Variants in ARHGEF1 observed in about 807,000 individuals in gnomAD.
ARHGEF1 encodes the protein Rho guanine nucleotide exchange factor 1.
Under a neutral mutation model 119.7 loss-of-function variants are expected in ARHGEF1, and 40 were observed. The ratio of observed to expected loss-of-function variants is 0.33; its 90% confidence interval spans 0.26 to 0.44. The LOEUF is 0.44. Ranked by LOEUF, ARHGEF1 falls within the 20% of genes least tolerant of loss-of-function variation. The pLI, the probability that ARHGEF1 is intolerant of heterozygous loss-of-function variation, is 1.00. For synonymous variants in ARHGEF1, 494 were observed against 521.0 expected (o/e 0.95, Z 0.71); for missense variants, 976 against 1,268.3 (o/e 0.77, Z 3.50).
intron 1 of ARHGEF1, among the ~76,000 whole-genome samples, chr19:41,887,489 C>A (rs1248801884): frequency 2.6e-5 from 4 of 152,022 alleles, no homozygotes; most frequent in Non-Finnish European, 5.9e-5. Flanking sequence ...GACTCCCAGT[C>A]CCTGAGGGAG....
rs542304793 is a variant in ARHGEF1, at chr19:41,884,174, G to T, written c.-20+885G>T. 7.9e-5 allele frequency among the ~76,000 whole-genome samples: 12 copies of T among 152,106 alleles called. 1 individual carries two copies. Among genetic ancestry groups the T allele is most frequent in the African/African-American group, 2.4e-4 (10 of 41,502 alleles). ...GGAGTTGGACCCATCTGCACCTCCG[G>T]GCGCGGGGCGGGGCCCGGGGAGTGA... On this transcript the variant is annotated intron_variant, in intron 1 of 28. Coordinates refer to ENST00000354532, the MANE Select transcript of ARHGEF1 (RefSeq NM_004706.4).
upstream of ARHGEF1, among the ~76,000 whole-genome samples, chr19:41,922,604 G>A (rs746288610): frequency 6.6e-5 from 10 of 152,122 alleles, no homozygotes; most frequent in Non-Finnish European, 1.2e-4. Context: ...GAGAGACTCC[G>A]AGGGACGAGG....
intron 1 of ARHGEF1, among the ~76,000 whole-genome samples, chr19:41,927,228 C>G (rs2074876856): frequency 6.6e-6 from 1 of 151,986 alleles, no homozygotes; most frequent in South Asian, 2.1e-4. Context: ...CCAGCAGGGC[C>G]CTGCGACAGT....
intron 14 of ARHGEF1, among the ~76,000 whole-genome samples, chr19:41,899,573 A>G (rs7252790): frequency 0.22 from 32,327 of 148,896 alleles, 10,190 homozygotes; most frequent in African/African-American, 0.7. Context: ...GCAATGGCAC[A>G]ATCTCGGCTC....
At position 41,905,626 on chromosome 19, in the gene ARHGEF1, C is replaced by T. The variant is rs2074680989; in HGVS notation, c.2337-134C>T. ...TTCCATTGTCTGGGCCTCTCTGTCT[C>T]CCTGTCTCCCGGCCTCGACCTCTGT... On this transcript the variant is annotated intron_variant, in intron 24 of 28. Transcript: ENST00000354532. This position sits in a 1 kb window ranked among gnomAD's most constrained non-coding sequence, Gnocchi z 6.4. 28 of 873,824 alleles carry T rather than the reference C, an allele frequency of 3.2e-5. No individual in the cohort carries two copies. In the South Asian group the frequency reaches 4.1e-4, roughly 13 times the overall value. 54.1% of individuals were successfully genotyped at this position (873,824 alleles called of 1,614,324 possible).
chr19:41,920,074 C>G (rs1047466521), upstream of ARHGEF1, among the ~76,000 whole-genome samples: 9 of 135,430 alleles, frequency 6.6e-5, no homozygotes, highest in East Asian at 1.3e-3. Flanking sequence ...ATGTGACACA[C>G]TCACAGACAT....
rs1555845667 is a variant in ARHGEF1 at position 41,888,477 on chromosome 19, T to G, written c.111+199T>G. Reference sequence around the variant, plus strand: ...CACCCTTCTTACTCTTAACCCCATTTCTTATCGTTGCTCTCTCCTCCCCCA... The same window carrying G: ...CACCCTTCTTACTCTTAACCCCATTGCTTATCGTTGCTCTCTCCTCCCCCA... On this transcript the variant is annotated intron_variant, in intron 3 of 28. Transcript: ENST00000354532. This position sits in a 1 kb window ranked among gnomAD's most constrained non-coding sequence, Gnocchi z 5.1. Among the ~76,000 whole-genome samples, 1 of 152,048 alleles carries G rather than the reference T, an allele frequency of 6.6e-6. No individual in the cohort carries two copies. Among genetic ancestry groups the G allele is most frequent in the African/African-American group, 2.4e-5 (1 of 41,380 alleles).
chr19:41,902,396 A>G lies in ARHGEF1; in HGVS notation c.1497+40A>G. ...CCTCCCGCTCCTCCCAGCTAGACAC[A>G]TGGAATTCAGGCCCGGGACGGGTCC... On this transcript the variant is annotated intron_variant, in intron 16 of 28. Transcript: ENST00000354532. This position sits in a 1 kb window ranked among gnomAD's most constrained non-coding sequence, Gnocchi z 6.5. The G allele has an allele frequency of 6.2e-7, 1 of 1,613,262 alleles. No homozygotes were observed. Among genetic ancestry groups the G allele is most frequent in the Non-Finnish European group, 8.5e-7 (1 of 1,179,596 alleles).
chr19:41,914,969 CCTCCCT>C, intron 18 of ARHGEF1, among the ~76,000 whole-genome samples: 1 of 78,322 alleles, frequency 1.3e-5, no homozygotes, highest in African/African-American at 1.0e-4. Flanking sequence ...TCTGTCTCTC[CCTCCCT>C]CCCCCTCCAG....
intron 13 of ARHGEF1, chr19:41,897,335 C>A: frequency 7.9e-7 from 1 of 1,267,800 alleles, no homozygotes; most frequent in Non-Finnish European, 1.0e-6. Context: ...AGGTGGGTGC[C>A]TGGGCCCTGG....
rs782111439 is a variant in ARHGEF1, at chr19:41,892,331, G to A, written c.325G>A (p.Val109Ile). ...TCACCCCATTCTCTCTCTTGAGCAG[G>A]TTCTCCGGGTGCCGGTCCCTCCCAA... ...FYHSFLEKTA[V>I]LRVPVPPNVA... The change falls in exon 6 of 29, where the codon GTT becomes ATT. Residue 109 changes from valine (V) to isoleucine (I), a missense_variant and splice_region_variant. Coordinates refer to ENST00000354532, the MANE Select transcript of ARHGEF1 (RefSeq NM_004706.4). The surrounding 1 kb of genome is among the most constrained non-coding windows in gnomAD (Gnocchi z 6.3). 6.2e-7 allele frequency: 1 copy of A among 1,613,924 alleles called. No homozygotes were observed. Among genetic ancestry groups the A allele is most frequent in the African/African-American group, 1.3e-5 (1 of 75,042 alleles).
chr19:41,929,354 C>T (rs984793026), intron 2 of ARHGEF1, among the ~76,000 whole-genome samples: 7 of 152,116 alleles, frequency 4.6e-5, no homozygotes, highest in African/African-American at 2.4e-5. Flanking sequence ...CTCCCCTTCA[C>T]ACTCCCACAA....
At position 41,902,229 on chromosome 19, in the gene ARHGEF1, T is replaced by C. The variant is rs782758041; in HGVS notation, c.1415-45T>C. 6.8e-6 allele frequency: 11 copies of C among 1,610,638 alleles called. No homozygotes were observed. Among genetic ancestry groups the C allele is most frequent in the South Asian group, 1.1e-5 (1 of 90,888 alleles). On this transcript the variant is annotated intron_variant, in intron 15 of 28. Coordinates refer to ENST00000354532, the MANE Select transcript of ARHGEF1 (RefSeq NM_004706.4). This position sits in a 1 kb window ranked among gnomAD's most constrained non-coding sequence, Gnocchi z 6.5. ...ACACCGCAGCAGGCCCCGCACAGCA[T>C]CTTCCAGACCCTGGTGGAGCATCCC...
At chr19:41,909,120 G>A, downstream of ARHGEF1, 2 of 1,231,976 alleles carry the variant, frequency 1.6e-6, no homozygotes, top group Non-Finnish European at 2.0e-6. The surrounding 1 kb of genome is among the most constrained non-coding windows in gnomAD (Gnocchi z 5.2). Flanking sequence ...GAGGTGAACA[G>A]GGGTGTCCGG....
intron 18 of ARHGEF1, chr19:41,912,922 C>T (rs2074762357): frequency 2.4e-6 from 3 of 1,230,848 alleles, no homozygotes; most frequent in Non-Finnish European, 3.0e-6. Context: ...CAGTCCATGG[C>T]GGAGCCGGCC....
chr19:41,894,195 C>T lies in ARHGEF1; in HGVS notation c.645-12C>T. On this transcript the variant is annotated splice_polypyrimidine_tract_variant and intron_variant, in intron 8 of 28. Transcript: ENST00000354532. ...TTGTGTGTGTTGAGCCCTCACTGTCCCTTCCCTACAGTGCTGCCGTGGTCA... is the reference window on the plus strand; with the variant it reads ...TTGTGTGTGTTGAGCCCTCACTGTCTCTTCCCTACAGTGCTGCCGTGGTCA... 1 of 1,465,158 alleles carries T rather than the reference C, an allele frequency of 6.8e-7. No individual in the cohort carries two copies. The highest frequency in any genetic ancestry group is 9.1e-7 in the Non-Finnish European group (1 of 1,096,956). The allele number at this position is 1,465,158 out of a possible 1,614,324, so 90.8% of individuals were successfully genotyped here.
Position 41,903,481 on chromosome 19 carries a change from T to C in ARHGEF1, c.1839+74T>C. ...AGGGGGTGGACCCTACCTCAGCCTG[T>C]CCAGAAGTCACACCCCACCCCTTGG... is the stretch of plus-strand genomic sequence containing the variant. On this transcript the variant is annotated intron_variant, in intron 19 of 28. Coordinates refer to ENST00000354532, the MANE Select transcript of ARHGEF1 (RefSeq NM_004706.4). This position sits in a 1 kb window ranked among gnomAD's most constrained non-coding sequence, Gnocchi z 4.2. The C allele has an allele frequency of 6.9e-7, 1 of 1,439,720 alleles. No individual in the cohort carries two copies. The highest frequency in any genetic ancestry group is 9.7e-7 in the Non-Finnish European group (1 of 1,034,152). 89.2% of individuals were successfully genotyped at this position (1,439,720 alleles called of 1,614,324 possible). A position where few individuals can be genotyped will look rare whatever the true frequency, so the allele number is the denominator to read the frequency against.
rs1555850381 is a variant in ARHGEF1, at chr19:41,906,861, G to A, written c.*17+58G>A. 2 of 1,351,192 alleles carry A rather than the reference G, an allele frequency of 1.5e-6. No individual in the cohort carries two copies. The highest frequency in any genetic ancestry group is 2.3e-5 in the Admixed American group (1 of 43,672). 83.7% of individuals were successfully genotyped at this position (1,351,192 alleles called of 1,614,324 possible). On this transcript the variant is annotated intron_variant, in intron 28 of 28. Transcript: ENST00000354532. The surrounding 1 kb of genome is among the most constrained non-coding windows in gnomAD (Gnocchi z 4.5). ...CCTGAAAGGAGGGTCCCCCTCCAGA[G>A]CTCGCATCCCTACAGCCCCTTCTGT...
Position 41,905,164 on chromosome 19 carries a change from T to G in ARHGEF1, c.2250-11T>G. 6 of 1,613,854 alleles carry G rather than the reference T, an allele frequency of 3.7e-6. No homozygotes were observed. The highest frequency in any genetic ancestry group is 5.1e-6 in the Non-Finnish European group (6 of 1,179,836). On this transcript the variant is annotated splice_polypyrimidine_tract_variant and intron_variant, in intron 23 of 28. Transcript: ENST00000354532. The surrounding 1 kb of genome is among the most constrained non-coding windows in gnomAD (Gnocchi z 6.4). ...GCTCTGACTGCCCAGGGATTTGGCC[T>G]TTCTCCCCAGCTGGTGTGCTCTCAT...
Sources: gnomAD v4.1 joint callset for allele counts (sites outside exome capture counted in the v4.1 genomes callset) on GRCh38, gnomAD v4.1.1 for gene constraint, Gnocchi (gnomAD v3.1) non-coding constraint, MANE v1.5 for transcripts, NCBI Gene and HGNC (gene_info 2026-07-23, HGNC 2026-07-21) for gene names.